The following PRKCA variants were observed in gnomAD, a reference collection of about 807,000 sequenced individuals.
PRKCA encodes protein kinase C alpha, also known as protein kinase C alpha type.
In PRKCA, 27 loss-of-function variants were observed where a neutral mutation model predicts 87.0. That is an observed-to-expected ratio of 0.31 (90% CI 0.23 to 0.43). The LOEUF (loss-of-function observed/expected upper bound fraction) is 0.43. PRKCA is among the 20% of genes least tolerant of loss of function. PRKCA has a pLI of 1.00. For missense variants in PRKCA, 518 were observed against 852.3 expected, an observed-to-expected ratio of 0.61 and a Z score of 4.88; for synonymous variants, 329 against 311.1, an observed-to-expected ratio of 1.06 and a Z score of -0.61.
At chr17:66,664,293 C>T (rs2143915942) in intron 5 of PRKCA, among the ~76,000 whole-genome samples, 1 of 152,284 alleles carries the variant, frequency 6.6e-6, no homozygotes, top group Admixed American at 6.5e-5. Flanking sequence ...AGCCCAAGGC[C>T]CAAAGACCAC....
chr17:66,568,223 A>G (rs1444553816), intron 3 of PRKCA, among the ~76,000 whole-genome samples: 1 of 152,196 alleles, frequency 6.6e-6, no homozygotes, highest in African/African-American at 2.4e-5. Context: ...CTGAAGCATG[A>G]GAATCACTTG....
At chr17:66,741,983 A>C (rs925374441) in intron 12 of PRKCA, among the ~76,000 whole-genome samples, 30 of 152,114 alleles carry the variant, frequency 2.0e-4, no homozygotes, top group Non-Finnish European at 1.5e-5. Flanking sequence ...AGCTCCTTCC[A>C]CTGCCTTTTC....
chr17:66,785,668 A>G (rs928975910), intron 14 of PRKCA, among the ~76,000 whole-genome samples: 2 of 152,234 alleles, frequency 1.3e-5, no homozygotes, highest in Non-Finnish European at 2.9e-5. Context: ...TTGTGAGCTC[A>G]GCCTTTCCTC....
intron 14 of PRKCA, among the ~76,000 whole-genome samples, chr17:66,779,795 C>T (rs982240099): frequency 1.3e-5 from 2 of 152,158 alleles, no homozygotes; most frequent in African/African-American, 2.4e-5. Flanking sequence ...CAACCCAAGA[C>T]TTTTCAACAG....
chr17:66,398,184 C>G (rs1332827035), intron 2 of PRKCA: 1 of 152,130 alleles, frequency 6.6e-6, no homozygotes, highest in African/African-American at 2.4e-5. Flanking sequence ...ACTCCAGAAC[C>G]CATGGTCGAA....
At chr17:66,386,292 C>T (rs188451823) in intron 2 of PRKCA, among the ~76,000 whole-genome samples, 5 of 152,264 alleles carry the variant, frequency 3.3e-5, no homozygotes, top group Non-Finnish European at 7.4e-5. Context: ...AGTAGTGCTT[C>T]GTTGTGTGGA....
At chr17:66,450,113 G>T (rs1914235625) in intron 2 of PRKCA, among the ~76,000 whole-genome samples, 1 of 151,742 alleles carries the variant, frequency 6.6e-6, no homozygotes, top group South Asian at 2.1e-4. Flanking sequence ...TACTAACTGG[G>T]TGACCTTTGA....
intron 5 of PRKCA, among the ~76,000 whole-genome samples, chr17:66,670,752 C>T (rs1009320669): frequency 6.6e-6 from 1 of 151,900 alleles, no homozygotes; most frequent in African/African-American, 2.4e-5. Context: ...GTCCCAGCTA[C>T]TCGGGAGGCT....
chr17:66,803,828 TG>T lies in PRKCA; in HGVS notation c.1855-44del, dbSNP rs1211715014. ...GGCCCTCGGAGAGCTGCTCCCGCATTGTCATGTTGACTGACCTTTCCTTCTT... is the reference window on the plus strand; with the variant it reads ...GGCCCTCGGAGAGCTGCTCCCGCATTTCATGTTGACTGACCTTTCCTTCTT... On this transcript the variant is annotated intron_variant, in intron 16 of 16. Coordinates refer to ENST00000413366, the MANE Select transcript of PRKCA (RefSeq NM_002737.3). The surrounding 1 kb of genome is among the most constrained non-coding windows in gnomAD (Gnocchi z 4.4). 1 of 1,599,184 alleles carries T rather than the reference TG, an allele frequency of 6.3e-7. No homozygotes were observed. The highest frequency in any genetic ancestry group is 1.1e-5 in the South Asian group (1 of 90,024).
chr17:66,798,378 C>CGGTGGT (rs1191158029), intron 16 of PRKCA, among the ~76,000 whole-genome samples: 9 of 54,988 alleles, frequency 1.6e-4, no homozygotes, highest in South Asian at 6.0e-4. Flanking sequence ...TTTCAGTAGG[C>CGGTGGT]GGTGGTGGTG....
intron 2 of PRKCA, among the ~76,000 whole-genome samples, chr17:66,353,470 C>T (rs375498030): frequency 1.3e-4 from 20 of 152,280 alleles, no homozygotes; most frequent in African/African-American, 3.6e-4. Flanking sequence ...AATCCCAGCA[C>T]TTTGGGAGGC....
At chr17:66,617,886 A>G (rs1409420562) in intron 3 of PRKCA, among the ~76,000 whole-genome samples, 1 of 152,206 alleles carries the variant, frequency 6.6e-6, no homozygotes, top group Admixed American at 6.5e-5. Context: ...TTGTCAGGCC[A>G]AGAGGCAGCA....
intron 3 of PRKCA, among the ~76,000 whole-genome samples, chr17:66,513,361 C>T (rs573038076): frequency 1.1e-4 from 16 of 152,290 alleles, no homozygotes; most frequent in Non-Finnish European, 1.3e-4. Context: ...GCCGTGTGAT[C>T]GGACATCTTC....
intron 2 of PRKCA, among the ~76,000 whole-genome samples, chr17:66,400,719 C>T (rs1265287893): frequency 6.6e-6 from 1 of 152,212 alleles, no homozygotes; most frequent in Non-Finnish European, 1.5e-5. Flanking sequence ...GTGGTTACAA[C>T]CATTTTACAG....
chr17:66,515,571 T>C (rs1966940851), intron 3 of PRKCA, among the ~76,000 whole-genome samples: 1 of 152,124 alleles, frequency 6.6e-6, no homozygotes, highest in African/African-American at 2.4e-5. Flanking sequence ...GTAGGGTGTC[T>C]CACTCCTTTT....
Position 66,484,961 on chromosome 17 carries a change from G to A in PRKCA, c.206-11240G>A, listed in dbSNP as rs570093431. The stretch of plus-strand genomic sequence containing the variant: ...TACACCTTGGCTTTTACATTGTAAT[G>A]AATTTAAAGAAGGAAAAGCAGGAGA... On this transcript the variant is annotated intron_variant, in intron 2 of 16. Transcript: ENST00000413366. Among the ~76,000 whole-genome samples, 23 of 142,858 alleles carry A rather than the reference G, an allele frequency of 1.6e-4. No homozygotes were observed. In the South Asian group the frequency reaches 2.0e-3, roughly 12 times the overall value. 93.7% of individuals were successfully genotyped at this position (142,858 alleles called of 152,430 possible).
At chr17:66,332,205 T>TCTTC (rs796512456) in intron 2 of PRKCA, among the ~76,000 whole-genome samples, 197 of 147,498 alleles carry the variant, frequency 1.3e-3, no homozygotes, top group South Asian at 5.4e-3. Context: ...TTTCCTTCTT[T>TCTTC]CTTCCTTCCT....
At chr17:66,754,759 T>C (rs1479175772) in intron 13 of PRKCA, among the ~76,000 whole-genome samples, 2 of 152,130 alleles carry the variant, frequency 1.3e-5, no homozygotes, top group African/African-American at 4.8e-5. Context: ...GCCATGTCAA[T>C]ATTACATTCT....
chr17:66,426,928 C>A (rs1384826042), intron 2 of PRKCA, among the ~76,000 whole-genome samples: 2 of 152,152 alleles, frequency 1.3e-5, no homozygotes, highest in Non-Finnish European at 2.9e-5. Flanking sequence ...TTAATTAACC[C>A]TGGGGTTTTC....
Sources: allele counts gnomAD v4.1 joint callset (sites outside exome capture counted in the v4.1 genomes callset), GRCh38; gene constraint gnomAD v4.1.1; non-coding constraint Gnocchi (gnomAD v3.1); transcripts MANE v1.5; gene names NCBI Gene and HGNC (gene_info 2026-07-23, HGNC 2026-07-21).